Variants in NEGR1 observed in about 807,000 individuals in gnomAD.
NEGR1 encodes the protein IgLON family member 4.
A neutral mutation model predicts 40.9 loss-of-function variants in NEGR1; 10 were observed. The ratio of observed to expected loss-of-function variants is 0.24; its 90% CI spans 0.15 to 0.42. The LOEUF is 0.42. Among genes scored for constraint, NEGR1 ranks in the 10% least tolerant of loss-of-function variants. The probability of loss-of-function intolerance (pLI) is 1.00; values close to 1 mark genes in which losing one functional copy is unlikely to be tolerated. For missense variants in NEGR1, 352 were observed against 438.9 expected (o/e 0.80, Z 1.77); for synonymous variants, 185 against 166.8 (o/e 1.11, Z -0.84).
chr1:71,492,024 C>A (rs1646933172), intron 6 of NEGR1, among the ~76,000 whole-genome samples: 1 of 151,978 alleles, frequency 6.6e-6, no homozygotes. Flanking sequence ...CCACTTTTTG[C>A]CCTTCTAAGG....
chr1:71,847,489 A>G (rs1007231913), intron 2 of NEGR1, among the ~76,000 whole-genome samples: 1 of 152,136 alleles, frequency 6.6e-6, no homozygotes, highest in Non-Finnish European at 1.5e-5. Flanking sequence ...CATTTTCATA[A>G]TTATTATACG....
rs549735408 is a variant in NEGR1, at chr1:71,825,642, C to A, written c.410-49345G>T. On this transcript the variant is annotated intron_variant, in intron 2 of 6. Coordinates refer to ENST00000357731, the MANE Select transcript of NEGR1 (RefSeq NM_173808.3). ...TGGAATTTTGTGCAAGGTGTGGAATCTCTCTAAATCTCAGCTTCTTAATCT... is the reference window on the plus strand; with the variant it reads ...TGGAATTTTGTGCAAGGTGTGGAATATCTCTAAATCTCAGCTTCTTAATCT... Among the ~76,000 whole-genome samples the A allele has an allele frequency of 2.0e-5, 3 of 151,942 alleles. No homozygotes were observed. The East Asian group carries it at 5.9e-4, about 30-fold the overall frequency.
At chr1:71,455,295 A>G (rs573640785) in intron 6 of NEGR1, among the ~76,000 whole-genome samples, 1 of 152,302 alleles carries the variant, frequency 6.6e-6, no homozygotes, top group East Asian at 1.9e-4. Flanking sequence ...CTTACTCCTA[A>G]GTCTCTGAAT....
chr1:71,705,006 A>T (rs1454206166), intron 3 of NEGR1, among the ~76,000 whole-genome samples: 1 of 152,088 alleles, frequency 6.6e-6, no homozygotes, highest in Non-Finnish European at 1.5e-5. Context: ...CAACAATAAC[A>T]ATATATGGGT....
At chr1:72,193,709 A>G (rs1232645926) in intron 1 of NEGR1, among the ~76,000 whole-genome samples, 2 of 151,396 alleles carry the variant, frequency 1.3e-5, no homozygotes, top group East Asian at 3.9e-4. Context: ...TTTTCTGTAT[A>G]CTTTTATACA....
intron 1 of NEGR1, among the ~76,000 whole-genome samples, chr1:72,246,721 C>T (rs2066416): frequency 0.21 from 31,506 of 152,176 alleles, 3,772 homozygotes; most frequent in South Asian, 0.28. Flanking sequence ...TCCTACAGCT[C>T]CACTAGGTAG....
intron 1 of NEGR1, among the ~76,000 whole-genome samples, chr1:72,159,108 T>C (rs974199187): frequency 4.6e-5 from 7 of 152,204 alleles, no homozygotes; most frequent in Admixed American, 1.3e-4. Flanking sequence ...ATGAGCATTT[T>C]CTTCTGTGCT....
intron 1 of NEGR1, among the ~76,000 whole-genome samples, chr1:72,242,075 G>A (rs1405638817): frequency 4.6e-5 from 7 of 151,640 alleles, no homozygotes; most frequent in African/African-American, 1.7e-4. Flanking sequence ...ATAAGGAGGT[G>A]ATGACAAATA....
At chr1:72,129,020 G>A (rs1474246141) in intron 1 of NEGR1, among the ~76,000 whole-genome samples, 1 of 152,134 alleles carries the variant, frequency 6.6e-6, no homozygotes, top group Non-Finnish European at 1.5e-5. Context: ...ACTTGAGACA[G>A]AGTGGTTCAC....
chr1:72,052,575 A>G (rs1032868210), intron 1 of NEGR1, among the ~76,000 whole-genome samples: 8 of 151,494 alleles, frequency 5.3e-5, no homozygotes, highest in African/African-American at 1.9e-4. Context: ...TGTATACATA[A>G]CCACATTTCA....
At chr1:71,945,517 G>A (rs1440606964) in intron 1 of NEGR1, among the ~76,000 whole-genome samples, 1 of 152,072 alleles carries the variant, frequency 6.6e-6, no homozygotes, top group African/African-American at 2.4e-5. Flanking sequence ...GCACAGAGCT[G>A]GTTCACAGAA....
intron 1 of NEGR1, among the ~76,000 whole-genome samples, chr1:72,058,668 C>G (rs893923836): frequency 6.6e-6 from 1 of 151,482 alleles, no homozygotes; most frequent in African/African-American, 2.4e-5. Context: ...ATTAGGTAGG[C>G]AAATGTTTCA....
intron 2 of NEGR1, among the ~76,000 whole-genome samples, chr1:71,863,971 T>TA (rs945119323): frequency 4.6e-5 from 7 of 152,306 alleles, no homozygotes; most frequent in African/African-American, 1.4e-4. Context: ...TTTATAGATT[T>TA]AAAAAAACTG....
chr1:71,966,956 G>C (rs1452234034), intron 1 of NEGR1, among the ~76,000 whole-genome samples: 1 of 152,164 alleles, frequency 6.6e-6, no homozygotes, highest in Non-Finnish European at 1.5e-5. Flanking sequence ...GAAGAAGGGT[G>C]CAAGTCAATT....
Position 71,403,984 on chromosome 1 carries a change from C to A in NEGR1, c.*3462G>T. The stretch of plus-strand genomic sequence containing the variant: ...CTCTTTTTAAATCATTTCTGGATTT[C>A]AAAAAACAATTTTTATTGAAAAGAT... On this transcript the variant is annotated 3_prime_UTR_variant, in exon 7 of 7. Coordinates refer to ENST00000357731, the MANE Select transcript of NEGR1 (RefSeq NM_173808.3). 2.8e-6 allele frequency: 1 copy of A among 352,132 alleles called. No individual in the cohort carries two copies. The highest frequency in any genetic ancestry group is 1.4e-4 in the South Asian group (1 of 7,076). 21.8% of individuals were successfully genotyped at this position (352,132 alleles called of 1,614,324 possible). A position where few individuals can be genotyped will look rare whatever the true frequency, so the allele number is the denominator to read the frequency against.
intron 2 of NEGR1, among the ~76,000 whole-genome samples, chr1:71,866,663 T>C (rs1660123033): frequency 6.6e-6 from 1 of 152,188 alleles, no homozygotes; most frequent in South Asian, 2.1e-4. Flanking sequence ...TACTGGTAGT[T>C]ATAGATTCTG....
chr1:71,655,966 A>T (rs1195179650), intron 4 of NEGR1, among the ~76,000 whole-genome samples: 1 of 152,206 alleles, frequency 6.6e-6, no homozygotes, highest in Non-Finnish European at 1.5e-5. Flanking sequence ...TTACCTTTTT[A>T]AAGTGGCTAA....
chr1:71,968,305 A>G (rs1270606288), intron 1 of NEGR1, among the ~76,000 whole-genome samples: 2 of 152,234 alleles, frequency 1.3e-5, no homozygotes, highest in Admixed American at 6.5e-5. Context: ...GGGAAACAAA[A>G]CATTCTGAAG....
intron 6 of NEGR1, among the ~76,000 whole-genome samples, chr1:71,572,377 ATC>A (rs1365904291): frequency 3.3e-5 from 5 of 152,218 alleles, no homozygotes; most frequent in Non-Finnish European, 5.9e-5. Flanking sequence ...CGTCATTATC[ATC>A]TGTTTCACAG....
Sources: allele counts gnomAD v4.1 joint callset (sites outside exome capture counted in the v4.1 genomes callset), GRCh38; gene constraint gnomAD v4.1.1; transcripts MANE v1.5; gene names NCBI Gene and HGNC (gene_info 2026-07-23, HGNC 2026-07-21).